NELL1: variants seen among roughly 807,000 people sequenced by gnomAD.
NELL1 encodes protein kinase C-binding protein NELL1.
A neutral mutation model predicts 107.4 loss-of-function variants in NELL1; 76 were observed. The ratio of observed to expected loss-of-function variants is 0.71; its 90% CI spans 0.59 to 0.86. The LOEUF is 0.86. NELL1 is among the 40% of genes least tolerant of loss of function. NELL1 has a pLI of 0.00. For synonymous variants in NELL1, 353 were observed against 341.2 expected (o/e 1.03, Z -0.38); for missense variants, 1,024 against 1,005.5 (o/e 1.02, Z -0.25).
intron 16 of NELL1, among the ~76,000 whole-genome samples, chr11:21,535,426 A>G (rs1591015294): frequency 6.6e-6 from 1 of 152,082 alleles, no homozygotes; most frequent in African/African-American, 2.4e-5. Flanking sequence ...TGCTTAGGGT[A>G]TATTGTTTTT....
At chr11:21,563,101 C>T (rs929508190) in intron 17 of NELL1, among the ~76,000 whole-genome samples, 4 of 152,036 alleles carry the variant, frequency 2.6e-5, no homozygotes, top group Non-Finnish European at 5.9e-5. Flanking sequence ...TATGTCCCTC[C>T]AGCATTATTT....
chr11:20,841,103 T>G (rs7480036), intron 3 of NELL1, among the ~76,000 whole-genome samples: 24,161 of 152,110 alleles, frequency 0.16, 2,607 homozygotes, highest in East Asian at 0.32. Flanking sequence ...AGTAAAAGTT[T>G]ATTTTTGTTT....
chr11:20,752,849 C>G (rs1238330272), intron 2 of NELL1, among the ~76,000 whole-genome samples: 1 of 151,930 alleles, frequency 6.6e-6, no homozygotes, highest in Non-Finnish European at 1.5e-5. Flanking sequence ...TGTATATGGC[C>G]CACGTATCAG....
intron 7 of NELL1, 160 bp from the exon 8 acceptor site, chr11:20,927,148 A>C: frequency 1.6e-6 from 1 of 620,590 alleles, no homozygotes; most frequent in South Asian, 2.3e-5. Flanking sequence ...CTTGTGTAAA[A>C]AAAATAAAAA....
chr11:21,375,546 A>G (rs537042107), intron 15 of NELL1, among the ~76,000 whole-genome samples: 58 of 152,104 alleles, frequency 3.8e-4, no homozygotes, highest in Non-Finnish European at 7.1e-4. Flanking sequence ...TGGTAGAAAG[A>G]TTTGTTTTAT....
intron 12 of NELL1, among the ~76,000 whole-genome samples, chr11:20,991,637 G>A (rs527700952): frequency 2.0e-5 from 3 of 152,058 alleles, no homozygotes; most frequent in Non-Finnish European, 2.9e-5. Context: ...ACATTGGGAC[G>A]TGCCTCGGAT....
chr11:21,184,163 A>G (rs186098867), intron 13 of NELL1, among the ~76,000 whole-genome samples: 1 of 152,012 alleles, frequency 6.6e-6, no homozygotes, highest in African/African-American at 2.4e-5. Flanking sequence ...TTGTAAAATG[A>G]AGTGATTGGT....
chr11:20,803,435 C>CT (rs1227531824), intron 3 of NELL1, among the ~76,000 whole-genome samples: 2 of 152,116 alleles, frequency 1.3e-5, no homozygotes, highest in Non-Finnish European at 2.9e-5. Context: ...TTTGTTATCT[C>CT]TTTTTTCTCA....
rs35016707 is a variant in NELL1, at chr11:20,797,565, C to CAAAAAAAAA, written c.335+13749_335+13757dup. ...TGGGCGACAGAGCGAGACTCCATCT[C>CAAAAAAAAA]AAAAAAAAAAAAAAAAAAAAAAGAC... On this transcript the variant is annotated intron_variant, in intron 3 of 19. Transcript: ENST00000357134. 6.0e-3 allele frequency among the ~76,000 whole-genome samples: 416 copies of CAAAAAAAAA among 69,286 alleles called. 21 individuals are homozygous for CAAAAAAAAA. Among genetic ancestry groups the CAAAAAAAAA allele is most frequent in the African/African-American group, 0.024 (390 of 16,060 alleles). 45.5% of individuals were successfully genotyped at this position (69,286 alleles called of 152,430 possible).
chr11:21,394,434 A>ATGTGT (rs1554904486), intron 15 of NELL1, among the ~76,000 whole-genome samples: 1 of 151,502 alleles, frequency 6.6e-6, no homozygotes, highest in South Asian at 2.1e-4. Flanking sequence ...AGCCCTATAT[A>ATGTGT]TGTGTGTATA....
intron 12 of NELL1, among the ~76,000 whole-genome samples, chr11:21,038,279 T>C (rs1853144947): frequency 6.6e-6 from 1 of 152,152 alleles, no homozygotes; most frequent in Admixed American, 6.6e-5. Context: ...AGTGAGGCAA[T>C]AGATCATAAA....
rs569863838 is a variant in NELL1, at chr11:20,871,880, G to A, written c.507-13564G>A. 1.4e-3 allele frequency among the ~76,000 whole-genome samples: 209 copies of A among 151,824 alleles called. 2 individuals carry two copies. The highest frequency in any genetic ancestry group is 2.1e-3 in the Non-Finnish European group (143 of 67,944). ...TAAAAATACAAAAAGTTATCCGGGC[G>A]TGGTGGCAGGTGCCTGTAGTCCCAG... On this transcript the variant is annotated intron_variant, in intron 4 of 19. Transcript: ENST00000357134.
chr11:20,864,023 A>C (rs1174202805), intron 4 of NELL1, among the ~76,000 whole-genome samples: 1 of 152,104 alleles, frequency 6.6e-6, no homozygotes, highest in Non-Finnish European at 1.5e-5. Context: ...CAGGAGAATC[A>C]GGCAGGGAGG....
intron 15 of NELL1, among the ~76,000 whole-genome samples, chr11:21,464,527 C>G (rs1853978682): frequency 6.6e-6 from 1 of 151,950 alleles, no homozygotes; most frequent in African/African-American, 2.4e-5. Flanking sequence ...CATTATCTAT[C>G]TTGATCACTT....
chr11:21,140,364 C>T (rs929882811), intron 13 of NELL1, among the ~76,000 whole-genome samples: 2 of 152,156 alleles, frequency 1.3e-5, no homozygotes, highest in Middle Eastern at 3.2e-3. Flanking sequence ...CAATCATGTG[C>T]TGTGTGCTAT....
intron 15 of NELL1, among the ~76,000 whole-genome samples, chr11:21,524,574 A>G (rs1855804339): frequency 6.6e-6 from 1 of 152,172 alleles, no homozygotes; most frequent in Non-Finnish European, 1.5e-5. Flanking sequence ...TCAATGGAAT[A>G]TGGAATAGGT....
At chr11:20,888,877 T>G (rs1030284344) in intron 5 of NELL1, among the ~76,000 whole-genome samples, 5 of 152,160 alleles carry the variant, frequency 3.3e-5, no homozygotes, top group Non-Finnish European at 5.9e-5. Context: ...TGGTCTCTCA[T>G]CTCCAATGGC....
intron 13 of NELL1, among the ~76,000 whole-genome samples, chr11:21,216,464 C>A (rs781573981): frequency 1.3e-5 from 2 of 152,186 alleles, no homozygotes; most frequent in Non-Finnish European, 2.9e-5. Flanking sequence ...GGAAAAGTTG[C>A]AGACACCCAA....
chr11:21,233,972 C>G (rs563616563), intron 14 of NELL1, among the ~76,000 whole-genome samples: 1 of 152,262 alleles, frequency 6.6e-6, no homozygotes, highest in South Asian at 2.1e-4. Flanking sequence ...AGACAAGTCC[C>G]CAGGGATTTC....
Sources: gnomAD v4.1 joint callset for allele counts (sites outside exome capture counted in the v4.1 genomes callset) on GRCh38, gnomAD v4.1.1 for gene constraint, MANE v1.5 for transcripts, NCBI Gene and HGNC (gene_info 2026-07-23, HGNC 2026-07-21) for gene names.